The following SS18 variants were observed in gnomAD, a reference collection of about 807,000 sequenced individuals.
SS18 encodes the protein protein SSXT.
In SS18, 28 loss-of-function variants were observed where a neutral mutation model predicts 72.5. The observed-to-expected ratio is 0.39, with a 90% CI of 0.29 to 0.53. The LOEUF is 0.53. Ranked by LOEUF, SS18 falls within the 20% of genes least tolerant of loss-of-function variation. The pLI, the probability that SS18 is intolerant of heterozygous loss-of-function variation, is 0.76. For missense variants in SS18, 518 were observed against 535.3 expected, an observed-to-expected ratio of 0.97 and a Z score of 0.32; for synonymous variants, 172 against 164.2, an observed-to-expected ratio of 1.05 and a Z score of -0.37.
At chr18:26,055,134 G>C (rs1442180860) in intron 4 of SS18, among the ~76,000 whole-genome samples, 1 of 151,956 alleles carries the variant, frequency 6.6e-6, no homozygotes, top group Non-Finnish European at 1.5e-5. Context: ...CTTTGATTTT[G>C]GTCCCATAGG....
intron 10 of SS18, among the ~76,000 whole-genome samples, chr18:26,026,377 A>C (rs1210635760): frequency 6.6e-6 from 1 of 152,238 alleles, no homozygotes; most frequent in East Asian, 1.9e-4. Context: ...TTCAAAAATT[A>C]GCAAACTAAA....
In SS18 at chr18:26,090,503, T is replaced by G; in HGVS notation, c.67A>C (p.Lys23Gln). 6.4e-7 allele frequency: 1 copy of G among 1,573,886 alleles called. No homozygotes were observed. The stretch of plus-strand genomic sequence containing the variant: ...TCCGCAACCCCGCGCGGTTTCACCT[T>G]CTGAATCGCAGCGGGAGTGATCTCC... ...KGEITPAAIQ[K>Q]MLDDNNHLIQ... Residue 23 changes from lysine (K) to glutamine (Q), a missense_variant and splice_region_variant, in exon 1 of 11, where the codon AAG (lysine) becomes CAG (glutamine). Coordinates refer to ENST00000415083, the MANE Select transcript of SS18 (RefSeq NM_001007559.3).
At chr18:26,054,043 G>A (rs1418109166) in intron 4 of SS18, among the ~76,000 whole-genome samples, 1 of 152,174 alleles carries the variant, frequency 6.6e-6, no homozygotes, top group Non-Finnish European at 1.5e-5. Flanking sequence ...AAATGACACA[G>A]TATTTCCACA....
chr18:26,039,634 T>A (rs2053689984), intron 5 of SS18, among the ~76,000 whole-genome samples, 178 bp from the exon 6 acceptor site: 1 of 152,166 alleles, frequency 6.6e-6, no homozygotes, highest in South Asian at 2.1e-4. Context: ...TAAAATAATG[T>A]GCAAACAAAA....
chr18:26,089,774 A>T (rs1253067677), intron 1 of SS18: 1 of 152,288 alleles, frequency 6.6e-6, no homozygotes, highest in Non-Finnish European at 1.5e-5. Context: ...TGGTCACGAC[A>T]GTCTCCACCA....
chr18:26,019,871 A>C (rs188202969), intron 10 of SS18, among the ~76,000 whole-genome samples: 323 of 152,086 alleles, frequency 2.1e-3, no homozygotes, highest in African/African-American at 7.7e-3. Flanking sequence ...AGCTAAATTT[A>C]AATCAATGAT....
At chr18:26,090,449 T>G in intron 1 of SS18, 52 bp downstream of exon 1, 2 of 1,527,386 alleles carry the variant, frequency 1.3e-6, no homozygotes, top group South Asian at 2.4e-5. Context: ...CCCGCGTCTG[T>G]CTCTCCCAGA....
intron 4 of SS18, among the ~76,000 whole-genome samples, chr18:26,053,220 A>C (rs2053954047): frequency 6.6e-6 from 1 of 152,226 alleles, no homozygotes; most frequent in African/African-American, 2.4e-5. Flanking sequence ...GTAAATAATC[A>C]CAGTAATATT....
At position 26,032,009 on chromosome 18, in the gene SS18, G is replaced by A. The variant is rs118100210; in HGVS notation, c.1230+390C>T. On this transcript the variant is annotated intron_variant, in intron 10 of 10. Transcript: ENST00000415083. ...AAAAGGGATGAGAAGGGATCACGGA[G>A]GGGGAACCAAATGAATTTATTAACG... 5.4e-3 allele frequency among the ~76,000 whole-genome samples: 827 copies of A among 152,198 alleles called. 3 individuals are homozygous for A. The highest frequency in any genetic ancestry group is 8.5e-3 in the Non-Finnish European group (576 of 68,002).
At position 26,018,312 on chromosome 18, in the gene SS18, T is replaced by C. The variant is rs1227497798; in HGVS notation, c.*42A>G. On this transcript the variant is annotated 3_prime_UTR_variant, in exon 11 of 11. Coordinates refer to ENST00000415083, the MANE Select transcript of SS18 (RefSeq NM_001007559.3). ...TGTCCACAGTGCTGAGGTGACAATA[T>C]GGCTGCTAATAGATACTGGCTACTG... 4 of 1,565,036 alleles carry C rather than the reference T, an allele frequency of 2.6e-6. No homozygotes were observed. The highest frequency in any genetic ancestry group is 3.3e-5 in the Admixed American group (2 of 59,834).
intron 2 of SS18, among the ~76,000 whole-genome samples, chr18:26,084,810 G>A (rs1242384905): frequency 1.3e-5 from 2 of 152,074 alleles, no homozygotes; most frequent in African/African-American, 4.8e-5. Context: ...ATACTTAGGA[G>A]ACAAGACAAA....
At position 26,078,150 on chromosome 18, in the gene SS18, T is replaced by C; in HGVS notation, c.157A>G (p.Met53Val). Residue 53 changes from methionine (M) to valine (V), a missense_variant, in exon 3 of 11, where the codon ATG becomes GTG. Coordinates refer to ENST00000415083, the MANE Select transcript of SS18 (RefSeq NM_001007559.3). ...AGGTATACCAAGTTTGTGTGCAACA[T>C]CTGCTGATACCTATTAAAACAAAAC... is the stretch of plus-strand genomic sequence containing the variant. The part of the protein sequence containing the change: ...KTSECSQYQQ[M>V]LHTNLVYLAT... 6.2e-7 allele frequency: 1 copy of C among 1,611,970 alleles called. No homozygotes were observed. The highest frequency in any genetic ancestry group is 1.1e-5 in the South Asian group (1 of 90,858).
At chr18:26,037,917 C>T (rs907487421) in intron 7 of SS18, among the ~76,000 whole-genome samples, 1 of 151,944 alleles carries the variant, frequency 6.6e-6, no homozygotes, top group Non-Finnish European at 1.5e-5. Flanking sequence ...TCTTACTAAC[C>T]AATTTTTCAC....
At chr18:26,028,482 G>A (rs1028659501) in intron 10 of SS18, among the ~76,000 whole-genome samples, 1 of 152,132 alleles carries the variant, frequency 6.6e-6, no homozygotes, top group Non-Finnish European at 1.5e-5. Context: ...CAAGAAAAAT[G>A]TCCCCAGGGA....
intron 2 of SS18, chr18:26,082,439 A>C: frequency 1.0e-6 from 1 of 978,548 alleles, no homozygotes; most frequent in Non-Finnish European, 1.2e-6. Flanking sequence ...CTACAGATTT[A>C]AACAACTCTT....
At chr18:26,076,876 A>T (rs1426071598) in intron 3 of SS18, among the ~76,000 whole-genome samples, 1 of 152,010 alleles carries the variant, frequency 6.6e-6, no homozygotes, top group Non-Finnish European at 1.5e-5. Context: ...AAATATTAAA[A>T]TGGTAACCTA....
At chr18:26,038,798 A>G in intron 6 of SS18, 139 bp from the exon 7 acceptor site, 1 of 745,646 alleles carries the variant, frequency 1.3e-6, no homozygotes, top group Non-Finnish European at 2.2e-6. Flanking sequence ...AGATACTTTT[A>G]GCTATTCATA....
At chr18:26,045,690 T>C (rs2053807765) in intron 5 of SS18, among the ~76,000 whole-genome samples, 1 of 152,066 alleles carries the variant, frequency 6.6e-6, no homozygotes, top group African/African-American at 2.4e-5. Context: ...TCACTTTGCA[T>C]AGTAGGATCA....
intron 10 of SS18, among the ~76,000 whole-genome samples, chr18:26,022,066 T>C (rs796066066): frequency 1.3e-5 from 2 of 152,344 alleles, no homozygotes; most frequent in African/African-American, 2.4e-5. Flanking sequence ...TTTACATTTC[T>C]TTCCTTCATT....
Sources: allele counts gnomAD v4.1 joint callset (sites outside exome capture counted in the v4.1 genomes callset), GRCh38; gene constraint gnomAD v4.1.1; transcripts MANE v1.5; gene names NCBI Gene and HGNC (gene_info 2026-07-23, HGNC 2026-07-21).